Variants in ROCK2 observed in about 807,000 individuals in gnomAD.
The protein encoded by ROCK2 is rho-associated protein kinase 2.
A neutral mutation model predicts 195.1 loss-of-function variants in ROCK2; 61 were observed. The observed-to-expected ratio is 0.31, with a 90% CI of 0.25 to 0.39. The LOEUF is 0.39. Ranked by LOEUF, ROCK2 falls within the 10% of genes least tolerant of loss-of-function variation. ROCK2 has a pLI of 1.00. For synonymous variants in ROCK2, 504 were observed against 545.5 expected (o/e 0.92, Z 1.06); for missense variants, 1,109 against 1,637.4 (o/e 0.68, Z 5.57).
chr2:11,296,110 G>A (rs1407539526), intron 1 of ROCK2, among the ~76,000 whole-genome samples: 2 of 150,338 alleles, frequency 1.3e-5, no homozygotes, highest in Non-Finnish European at 3.0e-5. Flanking sequence ...GAGCTGAAGG[G>A]GCAAGATGGT....
chr2:11,183,268 T>G lies in ROCK2; in HGVS notation c.*169A>C. 1 of 524,012 alleles carries G rather than the reference T, an allele frequency of 1.9e-6. No homozygotes were observed. The highest frequency in any genetic ancestry group is 3.4e-6 in the Non-Finnish European group (1 of 294,106). 32.5% of individuals were successfully genotyped at this position (524,012 alleles called of 1,614,324 possible). A position where few individuals can be genotyped will look rare whatever the true frequency, so the allele number is the denominator to read the frequency against. On this transcript the variant is annotated 3_prime_UTR_variant, in exon 33 of 33. Transcript: ENST00000315872. ...CCTGTTGCTTCAAAGGAGCCCAGATTTGTAATTTATATTACAGGGAAAAGG... is the reference window on the plus strand; with the variant it reads ...CCTGTTGCTTCAAAGGAGCCCAGATGTGTAATTTATATTACAGGGAAAAGG...
intron 20 of ROCK2, among the ~76,000 whole-genome samples, chr2:11,203,214 C>T (rs1432241302): frequency 6.6e-6 from 1 of 152,048 alleles, no homozygotes; most frequent in Non-Finnish European, 1.5e-5. Context: ...ATTTTAAAAA[C>T]ATAAAAATTA....
At chr2:11,250,355 T>C (rs1665787817) in intron 3 of ROCK2, among the ~76,000 whole-genome samples, 1 of 152,220 alleles carries the variant, frequency 6.6e-6, no homozygotes, top group Non-Finnish European at 1.5e-5. Flanking sequence ...ATGAGGTCAT[T>C]TGACCAATTT....
Position 11,193,773 on chromosome 2 carries a change from G to C in ROCK2, c.3687+6C>G, listed in dbSNP as rs1483996141. On this transcript the variant is annotated splice_donor_region_variant and intron_variant, in intron 30 of 32. Transcript: ENST00000315872. The stretch of plus-strand genomic sequence containing the variant: ...ACCAACCAAATATAAACAAAACTAT[G>C]TTTACCTGGAATATCCTTGGAATTT... 6.5e-7 allele frequency: 1 copy of C among 1,547,022 alleles called. No homozygotes were observed. Among genetic ancestry groups the C allele is most frequent in the South Asian group, 1.2e-5 (1 of 85,118 alleles).
At chr2:11,343,668 G>A (rs1311963018) in intron 1 of ROCK2, among the ~76,000 whole-genome samples, 1 of 152,182 alleles carries the variant, frequency 6.6e-6, no homozygotes, top group African/African-American at 2.4e-5. Context: ...CTAACCTGGT[G>A]TATGAAGCAT....
At chr2:11,266,479 T>C (rs1031885915) in intron 3 of ROCK2, among the ~76,000 whole-genome samples, 1 of 152,226 alleles carries the variant, frequency 6.6e-6, no homozygotes, top group South Asian at 2.1e-4. Flanking sequence ...TACTGTGACA[T>C]ACTAAAGTTA....
chr2:11,288,122 G>C (rs1667255435), intron 1 of ROCK2, among the ~76,000 whole-genome samples: 1 of 152,092 alleles, frequency 6.6e-6, no homozygotes, highest in Non-Finnish European at 1.5e-5. Context: ...GTTGTGCCTA[G>C]TGCAGATTAA....
chr2:11,201,125 T>C lies in ROCK2; in HGVS notation c.2742A>G (p.Gln914=), dbSNP rs1435105552. The change falls in exon 23 of 33, where the codon CAA becomes CAG. Residue 914 remains glutamine, a synonymous_variant. Coordinates refer to ENST00000315872, the MANE Select transcript of ROCK2 (RefSeq NM_004850.5). This position sits in a 1 kb window ranked among gnomAD's most constrained non-coding sequence, Gnocchi z 4.6. ...CTGCTTTGGTCAAGGTGATCTCCAGTTGGGCAGCCAAAGAGTCCCTACATT... is the reference window on the plus strand; with the variant it reads ...CTGCTTTGGTCAAGGTGATCTCCAGCTGGGCAGCCAAAGAGTCCCTACATT... ...LQDERDSLAA[Q]LEITLTKADS... The C allele has an allele frequency of 1.1e-5, 18 of 1,609,216 alleles. No homozygotes were observed. Among genetic ancestry groups the C allele is most frequent in the East Asian group, 4.5e-5 (2 of 44,822 alleles).
chr2:11,291,332 C>T (rs1003771217), intron 1 of ROCK2, among the ~76,000 whole-genome samples: 1 of 152,170 alleles, frequency 6.6e-6, no homozygotes, highest in African/African-American at 2.4e-5. Flanking sequence ...GGCGCATCGC[C>T]TGAGGCCACG....
chr2:11,286,460 G>C, intron 3 of ROCK2, 79 bp downstream of exon 3: 1 of 876,042 alleles, frequency 1.1e-6, no homozygotes, highest in Middle Eastern at 2.2e-4. Flanking sequence ...ATAGAAATTA[G>C]ATCTACTCAG....
chr2:11,309,200 G>A (rs923901152), intron 1 of ROCK2, among the ~76,000 whole-genome samples: 5 of 151,068 alleles, frequency 3.3e-5, no homozygotes, highest in East Asian at 3.9e-4. Context: ...AAAAACTACC[G>A]GCATAGTATT....
Position 11,218,962 on chromosome 2 carries a change from G to GT in ROCK2, c.1320+3dup. On this transcript the variant is annotated splice_donor_region_variant and intron_variant, in intron 10 of 32. Coordinates refer to ENST00000315872, the MANE Select transcript of ROCK2 (RefSeq NM_004850.5). ...TAACTACAGCAGTAAAAATGTATACGTACTTCATTTTTCCTTGATTGTATG... is the reference window on the plus strand; with the variant it reads ...TAACTACAGCAGTAAAAATGTATACGTTACTTCATTTTTCCTTGATTGTATG... 1 of 1,421,812 alleles carries GT rather than the reference G, an allele frequency of 7.0e-7. No individual in the cohort carries two copies. The allele number at this position is 1,421,812 out of a possible 1,614,324, so 88.1% of individuals were successfully genotyped here.
intron 32 of ROCK2, 78 bp from the exon 33 acceptor site, chr2:11,183,518 C>T: frequency 9.4e-7 from 1 of 1,065,210 alleles, no homozygotes; most frequent in Non-Finnish European, 1.4e-6. Flanking sequence ...AAAAGCATTC[C>T]ATTCACATTA....
At chr2:11,262,450 C>T (rs1229760942) in intron 3 of ROCK2, among the ~76,000 whole-genome samples, 1 of 152,110 alleles carries the variant, frequency 6.6e-6, no homozygotes, top group Non-Finnish European at 1.5e-5. Flanking sequence ...GGCTGTGCCC[C>T]CAAACAAATC....
rs1384438344 is a variant in ROCK2, at chr2:11,201,373, C to A, written c.2660G>T (p.Cys887Phe). The change falls in exon 22 of 33, where the codon TGT becomes TTT. Residue 887 changes from cysteine (C) to phenylalanine (F), a missense_variant. Physicochemically the swap from Cys to Phe is radical, Grantham distance 205. This residue lies in a region of ROCK2 where 542 missense variants were observed against 672.0 expected (regional missense o/e 0.81). Transcript: ENST00000315872. This position sits in a 1 kb window ranked among gnomAD's most constrained non-coding sequence, Gnocchi z 4.6. ...TTTACCAAGTTTGGTCTTTTCTTCA[C>A]ATTCTTCTTTAAGCTCCCTAACTTG... is the stretch of plus-strand genomic sequence containing the variant. ...KTQVRELKEECEEKTKLGKEL... is the reference protein window; with the variant it reads ...KTQVRELKEEFEEKTKLGKEL... The A allele has an allele frequency of 6.2e-7, 1 of 1,612,648 alleles. No homozygotes were observed. The highest frequency in any genetic ancestry group is 1.1e-5 in the South Asian group (1 of 91,052).
At chr2:11,307,200 T>C (rs191694523) in intron 1 of ROCK2, among the ~76,000 whole-genome samples, 4 of 152,360 alleles carry the variant, frequency 2.6e-5, no homozygotes, top group Admixed American at 2.0e-4. Flanking sequence ...ACACATGAAG[T>C]AGTCAAATCA....
At chr2:11,343,246 C>A (rs145942471) in intron 1 of ROCK2, among the ~76,000 whole-genome samples, 3 of 152,280 alleles carry the variant, frequency 2.0e-5, no homozygotes, top group East Asian at 3.8e-4. Flanking sequence ...CAGCATTCTA[C>A]GGTGCATTTC....
intron 11 of ROCK2, 51 bp downstream of exon 11, chr2:11,218,404 G>A (rs774330577): frequency 6.8e-7 from 1 of 1,475,244 alleles, no homozygotes; most frequent in Admixed American, 2.1e-5. Context: ...AACTTTGCGA[G>A]AGTGATGAGC....
rs191075239 is a variant in ROCK2 at position 11,261,781 on chromosome 2, C to T, written c.325-11983G>A. On this transcript the variant is annotated intron_variant, in intron 3 of 32. Coordinates refer to ENST00000315872, the MANE Select transcript of ROCK2 (RefSeq NM_004850.5). ...CGGAGGATGCAGTGATCCGAGATCACGCCATTGCACTCCAGCCTGGGTCAC... is the reference window on the plus strand; with the variant it reads ...CGGAGGATGCAGTGATCCGAGATCATGCCATTGCACTCCAGCCTGGGTCAC... Among the ~76,000 whole-genome samples the T allele has an allele frequency of 6.2e-4, 94 of 152,246 alleles. 1 individual carries two copies. The South Asian group carries it at 9.3e-3, about 15-fold the overall frequency.
Sources: allele counts gnomAD v4.1 joint callset (sites outside exome capture counted in the v4.1 genomes callset), GRCh38; gene constraint gnomAD v4.1.1; regional missense constraint gnomAD v4.1.1; non-coding constraint Gnocchi (gnomAD v3.1); transcripts MANE v1.5; gene names NCBI Gene and HGNC (gene_info 2026-07-23, HGNC 2026-07-21).